RABL3: variants seen among roughly 807,000 people sequenced by gnomAD.
RABL3 encodes the protein rab-like protein 3.
RABL3 carries 31 observed loss-of-function variants against 31.8 expected under a neutral mutation model. The ratio of observed to expected loss-of-function variants is 0.97; its 90% CI spans 0.73 to 1.31. RABL3 has a LOEUF of 1.31. Among genes scored for constraint, RABL3 ranks in the 40% most tolerant of loss-of-function variants. RABL3 has a pLI of 0.00. For missense variants in RABL3, 263 were observed against 279.6 expected, an observed-to-expected ratio of 0.94 and a Z score of 0.42; for synonymous variants, 97 against 99.9, an observed-to-expected ratio of 0.97 and a Z score of 0.18.
chr3:120,720,386 AGAGCTAAAG>A (rs1347514629), intron 2 of RABL3, among the ~76,000 whole-genome samples: 1 of 152,190 alleles, frequency 6.6e-6, no homozygotes, highest in Non-Finnish European at 1.5e-5. Flanking sequence ...CAAACTACTC[AGAGCTAAAG>A]GAGGAAGTTC....
chr3:120,734,713 G>T (rs1488624481), intron 1 of RABL3, among the ~76,000 whole-genome samples: 1 of 152,140 alleles, frequency 6.6e-6, no homozygotes, highest in Non-Finnish European at 1.5e-5. Flanking sequence ...TTTGAGATAT[G>T]TCCCATCAAT....
chr3:120,737,484 C>T (rs977715689), intron 1 of RABL3, among the ~76,000 whole-genome samples: 3 of 152,194 alleles, frequency 2.0e-5, no homozygotes, highest in Non-Finnish European at 4.4e-5. Flanking sequence ...TCCTTTAGCT[C>T]GGAGAAGTTT....
chr3:120,729,368 C>G (rs1708857293), intron 2 of RABL3, among the ~76,000 whole-genome samples: 1 of 152,078 alleles, frequency 6.6e-6, no homozygotes, highest in Non-Finnish European at 1.5e-5. Context: ...GCATACAGGA[C>G]TTCCAAAGGG....
At chr3:120,737,651 GT>G (rs2107599336) in intron 1 of RABL3, among the ~76,000 whole-genome samples, 1 of 152,266 alleles carries the variant, frequency 6.6e-6, no homozygotes, top group Admixed American at 6.5e-5. Context: ...CATCTTTGTG[GT>G]TTTATCTACC....
chr3:120,709,804 C>T lies in RABL3; in HGVS notation c.244G>A (p.Ala82Thr), dbSNP rs777602369. 15 of 1,612,028 alleles carry T rather than the reference C, an allele frequency of 9.3e-6. No individual in the cohort carries two copies. The highest frequency in any genetic ancestry group is 1.7e-5 in the Admixed American group (1 of 59,886). ...CCATTTACGGAGTTGTAGAATACTGCTCTTGTGCTTTTCACGCTGCTGGCA... is the reference window on the plus strand; with the variant it reads ...CCATTTACGGAGTTGTAGAATACTGTTCTTGTGCTTTTCACGCTGCTGGCA... ...GSASSVKSTR[A>T]VFYNSVNGII... The change falls in exon 3 of 8, where the codon GCA becomes ACA. Residue 82 changes from alanine (A) to threonine (T), a missense_variant. By Grantham distance (58) the Ala-to-Thr change is moderately conservative (BLOSUM62 0). Transcript: ENST00000273375.
chr3:120,698,135 G>A (rs1375569525), intron 5 of RABL3, among the ~76,000 whole-genome samples: 2 of 152,208 alleles, frequency 1.3e-5, no homozygotes, highest in African/African-American at 4.8e-5. Flanking sequence ...CTGCACTCCA[G>A]TCTGGGCGAC....
intron 7 of RABL3, 29 bp downstream of exon 7, chr3:120,690,420 T>G (rs765139645): frequency 1.4e-6 from 2 of 1,474,058 alleles, no homozygotes; most frequent in South Asian, 2.3e-5. Flanking sequence ...AATTTAAGAA[T>G]CTATTTTATC....
At chr3:120,729,302 G>C (rs766669204) in intron 2 of RABL3, among the ~76,000 whole-genome samples, 1 of 152,034 alleles carries the variant, frequency 6.6e-6, no homozygotes, top group Admixed American at 6.6e-5. Flanking sequence ...AAATCCTTAC[G>C]GTCTTGGCAA....
In RABL3 at chr3:120,698,699, A is replaced by C. The variant is rs1400467227; in HGVS notation, c.384-126T>G. 6.6e-6 allele frequency: 5 copies of C among 755,834 alleles called. No individual in the cohort carries two copies. The East Asian group carries it at 1.3e-4, about 20-fold the overall frequency. 46.8% of individuals were successfully genotyped at this position (755,834 alleles called of 1,614,324 possible). A position where few individuals can be genotyped will look rare whatever the true frequency, so the allele number is the denominator to read the frequency against. On this transcript the variant is annotated intron_variant, in intron 4 of 7. Coordinates refer to ENST00000273375, the MANE Select transcript of RABL3 (RefSeq NM_173825.5). ...ACTGATTTTTGCTGCCTTCACCTAC[A>C]AACCTACTTTCCTTCCAACTTCTTC...
chr3:120,696,245 CT>C (rs1473606660), intron 5 of RABL3, among the ~76,000 whole-genome samples: 1 of 152,126 alleles, frequency 6.6e-6, no homozygotes, highest in Non-Finnish European at 1.5e-5. Context: ...TTAATTCTTA[CT>C]TTTCTACAGT....
intron 2 of RABL3, among the ~76,000 whole-genome samples, chr3:120,714,625 C>A (rs1432719242): frequency 1.3e-5 from 2 of 152,186 alleles, no homozygotes; most frequent in African/African-American, 4.8e-5. Flanking sequence ...TTCCTCTCTG[C>A]CAGTCATATA....
intron 2 of RABL3, among the ~76,000 whole-genome samples, chr3:120,724,714 T>C (rs1025418822): frequency 2.0e-5 from 3 of 152,164 alleles, no homozygotes; most frequent in Non-Finnish European, 4.4e-5. Flanking sequence ...ATTCCCTAAT[T>C]AATAAATGGT....
intron 1 of RABL3, among the ~76,000 whole-genome samples, chr3:120,735,234 T>G (rs1708941967): frequency 6.6e-6 from 1 of 152,200 alleles, no homozygotes; most frequent in Non-Finnish European, 1.5e-5. Flanking sequence ...CTGTTATTGG[T>G]CTATTCAGAG....
At chr3:120,737,747 G>A (rs1465503153) in intron 1 of RABL3, among the ~76,000 whole-genome samples, 1 of 152,162 alleles carries the variant, frequency 6.6e-6, no homozygotes, top group Non-Finnish European at 1.5e-5. Flanking sequence ...TAACAGTCAG[G>A]ACCCTCAGCT....
chr3:120,715,943 T>C (rs1267960088), intron 2 of RABL3, among the ~76,000 whole-genome samples: 1 of 152,176 alleles, frequency 6.6e-6, no homozygotes, highest in East Asian at 1.9e-4. Flanking sequence ...CCTCATAGGG[T>C]TGTTGTGAGA....
intron 2 of RABL3, among the ~76,000 whole-genome samples, chr3:120,728,096 G>T (rs558320279): frequency 6.6e-6 from 1 of 152,150 alleles, no homozygotes; most frequent in Non-Finnish European, 1.5e-5. Context: ...AGACAAGTGG[G>T]AAAGAAAACC....
At chr3:120,731,318 A>G (rs1368488628) in intron 1 of RABL3, among the ~76,000 whole-genome samples, 2 of 152,146 alleles carry the variant, frequency 1.3e-5, no homozygotes, top group Non-Finnish European at 2.9e-5. Context: ...TGTCAGTGAG[A>G]GGGATTCACC....
chr3:120,732,141 T>C (rs1195616238), intron 1 of RABL3, among the ~76,000 whole-genome samples: 5 of 152,232 alleles, frequency 3.3e-5, no homozygotes, highest in Non-Finnish European at 7.3e-5. Context: ...AGCAGGTGGT[T>C]ATTGTGATTA....
chr3:120,718,664 T>C (rs1193828398), intron 2 of RABL3, among the ~76,000 whole-genome samples: 1 of 152,222 alleles, frequency 6.6e-6, no homozygotes, highest in Non-Finnish European at 1.5e-5. Context: ...ATAAAAATAC[T>C]AAGACTGTCA....
Sources: allele counts gnomAD v4.1 joint callset (sites outside exome capture counted in the v4.1 genomes callset), GRCh38; gene constraint gnomAD v4.1.1; transcripts MANE v1.5; gene names NCBI Gene and HGNC (gene_info 2026-07-23, HGNC 2026-07-21).